ZNF536: variants seen among roughly 807,000 people sequenced by gnomAD.
ZNF536 encodes zinc finger protein 536.
A neutral mutation model predicts 84.5 loss-of-function variants in ZNF536; 13 were observed. The observed-to-expected ratio is 0.15, with a 90% CI of 0.10 to 0.24. The LOEUF (loss-of-function observed/expected upper bound fraction) is 0.24. ZNF536 is among the 10% of genes least tolerant of loss of function. The pLI is 1.00. For missense variants in ZNF536, 1,536 were observed against 1,747.5 expected (o/e 0.88, Z 2.16); for synonymous variants, 811 against 742.5 (o/e 1.09, Z -1.50).
At chr19:30,563,812 G>C (rs2046259019) in intron 1 of ZNF536, among the ~76,000 whole-genome samples, 1 of 152,204 alleles carries the variant, frequency 6.6e-6, no homozygotes, top group Non-Finnish European at 1.5e-5. Context: ...GGATGCTCTA[G>C]TGGTGGGAAG....
chr19:30,551,119 G>T, intron 4 of ZNF536, among the ~76,000 whole-genome samples: 3 of 141,622 alleles, frequency 2.1e-5, no homozygotes, highest in South Asian at 2.3e-4. Flanking sequence ...CTTTTTTATT[G>T]TTGTTTAGAG....
At chr19:30,443,534 G>A (rs2148142749) in intron 1 of ZNF536, 27 bp from the exon 2 acceptor site, 1 of 1,510,698 alleles carries the variant, frequency 6.6e-7, no homozygotes, top group Non-Finnish European at 8.8e-7. Context: ...CACCTGGCAC[G>A]GATCTGAACT....
chr19:30,664,202 TTTTCTCTCTCTCTCTC>T (rs1439837833), intron 1 of ZNF536, among the ~76,000 whole-genome samples: 1,974 of 118,454 alleles, frequency 0.017, 105 homozygotes, highest in African/African-American at 0.051. Flanking sequence ...TCTTGCTGAG[TTTTCTCTCTCTCTCTC>T]TCTCTCTCTC....
intron 1 of ZNF536, among the ~76,000 whole-genome samples, chr19:30,706,727 G>A (rs894339297): frequency 6.6e-5 from 10 of 152,074 alleles, no homozygotes; most frequent in African/African-American, 1.7e-4. Flanking sequence ...CTTGTCATAC[G>A]ATAGTGACAT....
At chr19:30,533,011 G>A (rs3786793) in intron 2 of ZNF536, among the ~76,000 whole-genome samples, 19,610 of 152,026 alleles carry the variant, frequency 0.13, 1,572 homozygotes, top group East Asian at 0.31. Context: ...CTTCCTACTT[G>A]TGCAAAATTA....
At chr19:30,402,796 A>ATATATGTATATATATAT (rs1555744993) in intron 1 of ZNF536, among the ~76,000 whole-genome samples, 1 of 85,610 alleles carries the variant, frequency 1.2e-5, no homozygotes, top group Non-Finnish European at 2.4e-5. Context: ...AAAATTAAAA[A>ATATATGTATATATATAT]ATATATATAT....
intron 1 of ZNF536, among the ~76,000 whole-genome samples, chr19:30,587,578 C>T (rs2047138377): frequency 1.3e-5 from 2 of 152,192 alleles, no homozygotes; most frequent in Non-Finnish European, 2.9e-5. Flanking sequence ...TCCTGGGCAG[C>T]CTGCTCCAGC....
intron 1 of ZNF536, among the ~76,000 whole-genome samples, chr19:30,381,222 G>A (rs2049009006): frequency 6.6e-6 from 1 of 152,138 alleles, no homozygotes; most frequent in Admixed American, 6.6e-5. Context: ...CCCCCAGAGG[G>A]AGCTAATATC....
chr19:30,468,084 A>G (rs1182376836), intron 2 of ZNF536, among the ~76,000 whole-genome samples: 1 of 152,256 alleles, frequency 6.6e-6, no homozygotes, highest in Non-Finnish European at 1.5e-5. Flanking sequence ...ACCGCCCACG[A>G]CAAGATACGC....
intron 1 of ZNF536, among the ~76,000 whole-genome samples, chr19:30,424,716 C>T (rs1030426858): frequency 2.6e-5 from 4 of 152,164 alleles, no homozygotes; most frequent in Non-Finnish European, 4.4e-5. Flanking sequence ...AACATCATGC[C>T]TAACATAGCT....
At chr19:30,582,896 T>A (rs530981849) in intron 1 of ZNF536, among the ~76,000 whole-genome samples, 1 of 152,214 alleles carries the variant, frequency 6.6e-6, no homozygotes, top group South Asian at 2.1e-4. Context: ...GTGGGAATTA[T>A]GGGAGCTACA....
chr19:30,590,423 T>A (rs2047236539), intron 1 of ZNF536, among the ~76,000 whole-genome samples: 1 of 152,200 alleles, frequency 6.6e-6, no homozygotes, highest in Admixed American at 6.5e-5. Context: ...CATGCACATT[T>A]TCTGTGGCTT....
At chr19:30,489,504 C>G (rs930194180) in intron 2 of ZNF536, among the ~76,000 whole-genome samples, 1 of 152,058 alleles carries the variant, frequency 6.6e-6, no homozygotes, top group Non-Finnish European at 1.5e-5. Flanking sequence ...ATCGCTTGAG[C>G]CCGGGAGGTC....
chr19:30,414,076 A>G (rs999694639), intron 1 of ZNF536, among the ~76,000 whole-genome samples: 1 of 117,742 alleles, frequency 8.5e-6, no homozygotes, highest in East Asian at 2.7e-4. Flanking sequence ...CCCGGGCAAC[A>G]GTGAGAGACT....
intron 1 of ZNF536, among the ~76,000 whole-genome samples, chr19:30,271,299 CTTTTT>C (rs781528411): frequency 2.7e-5 from 3 of 111,860 alleles, no homozygotes; most frequent in Admixed American, 1.1e-4. Context: ...TTTTTCTTTT[CTTTTT>C]TTTTTTTTTT....
At chr19:30,479,912 T>G (rs2054003646) in intron 2 of ZNF536, among the ~76,000 whole-genome samples, 1 of 152,232 alleles carries the variant, frequency 6.6e-6, no homozygotes, top group South Asian at 2.1e-4. Context: ...AGACACCTGA[T>G]GTCTAATGCA....
chr19:30,321,532 T>C (rs1046564612), intron 2 of ZNF536, among the ~76,000 whole-genome samples: 5 of 152,226 alleles, frequency 3.3e-5, no homozygotes, highest in Middle Eastern at 3.4e-3. Context: ...CACGCCAGCC[T>C]GGATGACAGA....
At chr19:30,570,145 G>C (rs1020025371) in intron 1 of ZNF536, among the ~76,000 whole-genome samples, 7 of 152,172 alleles carry the variant, frequency 4.6e-5, no homozygotes, top group African/African-American at 1.7e-4. Context: ...GGGAGAACCA[G>C]GCCTCTCAGT....
chr19:30,537,586 CG>C (rs71735024), intron 3 of ZNF536, among the ~76,000 whole-genome samples: 27,732 of 152,122 alleles, frequency 0.18, 3,120 homozygotes, highest in African/African-American at 0.3. Flanking sequence ...GTCAGCTTCC[CG>C]GGGGGTAAGA....
Sources: gnomAD v4.1 joint callset for allele counts (sites outside exome capture counted in the v4.1 genomes callset) on GRCh38, gnomAD v4.1.1 for gene constraint, MANE v1.5 for transcripts, NCBI Gene and HGNC (gene_info 2026-07-23, HGNC 2026-07-21) for gene names.